Variants in XIRP2 observed in about 807,000 individuals in gnomAD.
XIRP2 encodes the protein xin actin binding repeat containing 2.
A neutral mutation model predicts 277.0 loss-of-function variants in XIRP2; 236 were observed. The observed-to-expected ratio is 0.85, with a 90% CI of 0.77 to 0.95. XIRP2 has a LOEUF of 0.95. Among genes scored for constraint, XIRP2 ranks in the 40% least tolerant of loss-of-function variants. The pLI, the probability that XIRP2 is intolerant of heterozygous loss-of-function variation, is 0.00. For missense variants in XIRP2, 4,640 were observed against 4,157.5 expected (o/e 1.12, Z -3.19); for synonymous variants, 1,490 against 1,416.5 (o/e 1.05, Z -1.17).
intron 4 of XIRP2, among the ~76,000 whole-genome samples, chr2:167,214,297 G>GAGGAAGGAAGGA (rs559361394): frequency 0.013 from 1,121 of 87,150 alleles, 32 homozygotes; most frequent in African/African-American, 0.027. Context: ...GGGAGGGAGG[G>GAGGAAGGAAGGA]AGGAAGGAAG....
At chr2:166,909,120 G>T (rs1684624797) in intron 2 of XIRP2, among the ~76,000 whole-genome samples, 1 of 152,176 alleles carries the variant, frequency 6.6e-6, no homozygotes, top group Non-Finnish European at 1.5e-5. Flanking sequence ...GGTTCCATAT[G>T]AAGTTTAAAG....
At chr2:167,136,116 G>A (rs1387774128) in intron 3 of XIRP2, 54 bp downstream of exon 3, 1 of 1,446,478 alleles carries the variant, frequency 6.9e-7, no homozygotes. Flanking sequence ...TACAACATGA[G>A]TGGTTAATAA....
At chr2:167,027,717 T>C (rs934993418) in intron 2 of XIRP2, among the ~76,000 whole-genome samples, 5 of 152,114 alleles carry the variant, frequency 3.3e-5, no homozygotes, top group Non-Finnish European at 7.4e-5. Context: ...ATAGTTTTTC[T>C]TGTAACAGAC....
chr2:167,108,188 T>C (rs1361166532), intron 2 of XIRP2, among the ~76,000 whole-genome samples: 2 of 151,958 alleles, frequency 1.3e-5, no homozygotes, highest in East Asian at 3.9e-4. Context: ...AAGTTATGTA[T>C]TAATAGTATC....
intron 2 of XIRP2, among the ~76,000 whole-genome samples, chr2:167,017,667 G>A (rs1687868360): frequency 6.6e-6 from 1 of 151,852 alleles, no homozygotes; most frequent in Non-Finnish European, 1.5e-5. Context: ...TCCACCTCTT[G>A]GTTCCTCGAC....
intron 2 of XIRP2, among the ~76,000 whole-genome samples, chr2:166,911,568 T>G (rs1050816869): frequency 2.0e-5 from 3 of 152,156 alleles, no homozygotes; most frequent in South Asian, 2.1e-4. Context: ...CATCCAATTT[T>G]CCAGTCTGTG....
chr2:167,015,452 A>ATCTATCTG, intron 2 of XIRP2, among the ~76,000 whole-genome samples: 1 of 151,054 alleles, frequency 6.6e-6, no homozygotes, highest in Non-Finnish European at 1.5e-5. Flanking sequence ...CTATCTATCT[A>ATCTATCTG]TCTATCTATC....
chr2:167,169,208 G>C (rs1345109578), intron 3 of XIRP2, among the ~76,000 whole-genome samples: 1 of 152,148 alleles, frequency 6.6e-6, no homozygotes, highest in East Asian at 1.9e-4. Flanking sequence ...TAATTCTCTA[G>C]TTTATTTCAA....
Position 167,249,288 on chromosome 2 carries a change from A to T in XIRP2, c.7896A>T (p.Thr2632=). 6.2e-7 allele frequency: 1 copy of T among 1,613,804 alleles called. No homozygotes were observed. The highest frequency in any genetic ancestry group is 1.1e-5 in the South Asian group (1 of 91,080). ...GTTCTGATAACCAACTCTCCACAAC[A>T]TCGCCAGAAACAGTCGCTGCCAAGA... The part of the protein sequence containing the change: ...GVCSDNQLST[T]SPETVAAKRL... The change falls in exon 9 of 11, where the codon ACA becomes ACT. Residue 2632 remains threonine (T), a synonymous_variant. Transcript: ENST00000409195.
chr2:167,156,172 C>A (rs1167974000), intron 3 of XIRP2, among the ~76,000 whole-genome samples: 1 of 151,862 alleles, frequency 6.6e-6, no homozygotes, highest in African/African-American at 2.4e-5. Context: ...GCCATACTGC[C>A]CAAGGTAATT....
At chr2:167,036,905 G>T (rs564936885) in intron 2 of XIRP2, among the ~76,000 whole-genome samples, 3 of 152,248 alleles carry the variant, frequency 2.0e-5, no homozygotes, top group Non-Finnish European at 4.4e-5. Context: ...TTTATCAGGG[G>T]TTTCCACTTT....
intron 2 of XIRP2, among the ~76,000 whole-genome samples, chr2:167,025,112 A>C (rs1334698998): frequency 2.6e-5 from 4 of 152,032 alleles, no homozygotes; most frequent in Admixed American, 1.3e-4. Context: ...TAAGCTATTG[A>C]TTATTGCCAC....
At chr2:166,938,205 C>A (rs1366932700) in intron 2 of XIRP2, among the ~76,000 whole-genome samples, 1 of 152,156 alleles carries the variant, frequency 6.6e-6, no homozygotes, top group Non-Finnish European at 1.5e-5. Flanking sequence ...GATTTTAGAT[C>A]TTTCCTGCTT....
At chr2:167,153,711 A>G (rs1207871787) in intron 3 of XIRP2, among the ~76,000 whole-genome samples, 1 of 151,836 alleles carries the variant, frequency 6.6e-6, no homozygotes, top group South Asian at 2.1e-4. Context: ...TTCCAATTTC[A>G]TCCATGTCCC....
chr2:167,072,313 A>G (rs1370420188), intron 2 of XIRP2, among the ~76,000 whole-genome samples: 2 of 152,166 alleles, frequency 1.3e-5, no homozygotes, highest in African/African-American at 4.8e-5. Context: ...CTCTATATGT[A>G]TAATACCAAG....
At chr2:167,188,152 C>G (rs961388483) in intron 3 of XIRP2, among the ~76,000 whole-genome samples, 1 of 152,186 alleles carries the variant, frequency 6.6e-6, no homozygotes, top group Non-Finnish European at 1.5e-5. Context: ...ATAGTAACTA[C>G]AACCTTAAAC....
intron 2 of XIRP2, among the ~76,000 whole-genome samples, chr2:166,966,900 C>A (rs66727107): frequency 0.33 from 49,613 of 151,884 alleles, 8,782 homozygotes; most frequent in African/African-American, 0.45. Flanking sequence ...GCAACATCAA[C>A]ATCACTTAGA....
At chr2:167,053,691 A>G (rs1688972871) in intron 2 of XIRP2, among the ~76,000 whole-genome samples, 1 of 152,212 alleles carries the variant, frequency 6.6e-6, no homozygotes, top group Non-Finnish European at 1.5e-5. Flanking sequence ...CAATTTTAAT[A>G]ATTTGTCATG....
At chr2:167,106,667 A>C (rs1690627104) in intron 2 of XIRP2, among the ~76,000 whole-genome samples, 1 of 151,666 alleles carries the variant, frequency 6.6e-6, no homozygotes, top group Non-Finnish European at 1.5e-5. Flanking sequence ...TTAGCTATGT[A>C]CTTTCTTTGC....
Sources: gnomAD v4.1 joint callset for allele counts (sites outside exome capture counted in the v4.1 genomes callset) on GRCh38, gnomAD v4.1.1 for gene constraint, MANE v1.5 for transcripts, NCBI Gene and HGNC (gene_info 2026-07-23, HGNC 2026-07-21) for gene names.